The following KIF1B variants were observed in gnomAD, a reference collection of about 807,000 sequenced individuals.
KIF1B encodes kinesin-like protein KIF1B.
A neutral mutation model predicts 241.9 loss-of-function variants in KIF1B; 76 were observed. The observed-to-expected ratio is 0.31, with a 90% CI of 0.26 to 0.38. KIF1B has a LOEUF of 0.38. KIF1B is among the 10% of genes least tolerant of loss of function. KIF1B has a pLI of 1.00. For missense variants in KIF1B, 1,622 were observed against 2,271.4 expected (o/e 0.71, Z 5.81); for synonymous variants, 750 against 796.7 (o/e 0.94, Z 0.99).
chr1:10,269,196 C>G (rs1023164827), intron 7 of KIF1B, among the ~76,000 whole-genome samples: 1 of 152,068 alleles, frequency 6.6e-6, no homozygotes, highest in African/African-American at 2.4e-5. Context: ...TGACTTATTT[C>G]TAGCTGAAAA....
chr1:10,222,816 A>G (rs1456019694), intron 1 of KIF1B, among the ~76,000 whole-genome samples: 1 of 152,230 alleles, frequency 6.6e-6, no homozygotes, highest in Non-Finnish European at 1.5e-5. Flanking sequence ...AGTGGTCAGA[A>G]GAACAGTTTA....
At chr1:10,353,155 G>T (rs555748139) in intron 38 of KIF1B, among the ~76,000 whole-genome samples, 2 of 152,278 alleles carry the variant, frequency 1.3e-5, no homozygotes, top group South Asian at 4.1e-4. Context: ...TCATGGAAAT[G>T]TGCCCTCTGA....
At chr1:10,309,155 T>C (rs1215979011) in intron 22 of KIF1B, among the ~76,000 whole-genome samples, 1 of 152,096 alleles carries the variant, frequency 6.6e-6, no homozygotes, top group African/African-American at 2.4e-5. Flanking sequence ...GACCTGACAT[T>C]ATTTTTTAAT....
In KIF1B at chr1:10,252,277, T is replaced by C. The variant is rs182803550; in HGVS notation, c.107-3970T>C. Among the ~76,000 whole-genome samples, 10 of 151,536 alleles carry C rather than the reference T, an allele frequency of 6.6e-5. No individual in the cohort carries two copies. The East Asian group carries it at 1.6e-3, about 24-fold the overall frequency. On this transcript the variant is annotated intron_variant, in intron 2 of 48. Coordinates refer to ENST00000676179, the MANE Select transcript of KIF1B (RefSeq NM_001365951.3). ...CTGGTCGCAAACTCCTGACCTCAAGTGATCAACCCCCCTCAGCCTCCCAAA... is the reference window on the plus strand; with the variant it reads ...CTGGTCGCAAACTCCTGACCTCAAGCGATCAACCCCCCTCAGCCTCCCAAA...
At chr1:10,227,586 G>A (rs917575100) in intron 1 of KIF1B, 3 of 152,020 alleles carry the variant, frequency 2.0e-5, no homozygotes, top group East Asian at 3.9e-4. Flanking sequence ...TACTTAATAA[G>A]CTGTGTATTT....
At chr1:10,320,529 G>C (rs565263205) in intron 23 of KIF1B, among the ~76,000 whole-genome samples, 12 of 152,080 alleles carry the variant, frequency 7.9e-5, no homozygotes, top group Non-Finnish European at 1.8e-4. Context: ...TAATCATATT[G>C]CTTAGTCATG....
Position 10,326,268 on chromosome 1 carries a change from T to C in KIF1B, c.2833T>C (p.Ser945Pro). 6.2e-7 allele frequency: 1 copy of C among 1,614,170 alleles called. No individual in the cohort carries two copies. The stretch of plus-strand genomic sequence containing the variant: ...TGAGGCATTCGTGGATGACGCCGGC[T>C]CTGACGCAGGGACGGAGGAGGGATC... ...DDEAFVDDAGSDAGTEEGSDL... is the reference protein window; with the variant it reads ...DDEAFVDDAGPDAGTEEGSDL... Residue 945 changes from serine to proline, a missense_variant, in exon 27 of 49, where the codon TCT (serine) becomes CCT (proline). Transcript: ENST00000676179. The surrounding 1 kb of genome is among the most constrained non-coding windows in gnomAD (Gnocchi z 5.2).
chr1:10,278,124 T>C lies in KIF1B; in HGVS notation c.1176T>C (p.Ile392=). The C allele has an allele frequency of 6.2e-7, 1 of 1,613,884 alleles. No homozygotes were observed. The highest frequency in any genetic ancestry group is 2.2e-5 in the East Asian group (1 of 44,868). The change falls in exon 13 of 49, where the codon ATT becomes ATC. Residue 392 remains isoleucine, a synonymous_variant. Coordinates refer to ENST00000676179, the MANE Select transcript of KIF1B (RefSeq NM_001365951.3). ...GTGCTCAGGGCCTGGGAGATATTAT[T>C]GATAGTAAGTGAATTAAGGATCGTT... ...LLRAQGLGDI[I]DIDPLIDDYS...
chr1:10,293,549 C>T (rs1650115852), intron 17 of KIF1B, among the ~76,000 whole-genome samples: 1 of 152,050 alleles, frequency 6.6e-6, no homozygotes, highest in Non-Finnish European at 1.5e-5. Flanking sequence ...CACATGCCAC[C>T]ACGCCCAGCT....
At position 10,232,245 on chromosome 1, in the gene KIF1B, C is replaced by A; in HGVS notation, c.-79-5C>A. 1.8e-6 allele frequency: 2 copies of A among 1,084,210 alleles called. No homozygotes were observed. Among genetic ancestry groups the A allele is most frequent in the South Asian group, 1.4e-5 (1 of 72,122 alleles). 67.2% of individuals were successfully genotyped at this position (1,084,210 alleles called of 1,614,324 possible). The stretch of plus-strand genomic sequence containing the variant: ...ACCTCATATGGAATTTTTTTCTTTT[C>A]AAAGGAAACTTGGCTGTAACTTCAA... On this transcript the variant is annotated splice_polypyrimidine_tract_variant and splice_region_variant and intron_variant, in intron 1 of 48. Transcript: ENST00000676179.
At position 10,303,467 on chromosome 1, in the gene KIF1B, C is replaced by T. The variant is rs1045031900; in HGVS notation, c.2115+6221C>T. ...AGGCACAGTCGGCAGGAGATTGAAG[C>T]CCTGGCCATTGTCAAGATGAAGGAG... On this transcript the variant is annotated intron_variant, in intron 22 of 48. Transcript: ENST00000676179. This position sits in a 1 kb window ranked among gnomAD's most constrained non-coding sequence, Gnocchi z 5.2. 2.8e-5 allele frequency: 46 copies of T among 1,614,040 alleles called. No individual in the cohort carries two copies. Among genetic ancestry groups the T allele is most frequent in the Non-Finnish European group, 3.6e-5 (42 of 1,180,040 alleles).
At chr1:10,348,593 A>G in intron 36 of KIF1B, 56 bp from the exon 37 acceptor site, 1 of 1,332,150 alleles carries the variant, frequency 7.5e-7, no homozygotes, top group Non-Finnish European at 1.1e-6. Flanking sequence ...AAAACAGTAG[A>G]CGAGAGGAGA....
In KIF1B at chr1:10,299,910, C is replaced by G. The variant is rs563501274; in HGVS notation, c.2115+2664C>G. On this transcript the variant is annotated intron_variant, in intron 22 of 48. Transcript: ENST00000676179. ...ATGTGAATTGACCAGACCTCAGTAG[C>G]TTTTCCAACTCCTTAATAAATGAAT... Among the ~76,000 whole-genome samples, 6 of 152,216 alleles carry G rather than the reference C, an allele frequency of 3.9e-5. No homozygotes were observed. The East Asian group carries it at 7.7e-4, about 20-fold the overall frequency.
chr1:10,278,342 T>C (rs1028178554), intron 13 of KIF1B, among the ~76,000 whole-genome samples: 3 of 152,226 alleles, frequency 2.0e-5, no homozygotes, highest in African/African-American at 7.2e-5. Context: ...AGACTATCCA[T>C]TTGAACTCAG....
chr1:10,278,975 C>T (rs773369375), intron 13 of KIF1B, 122 bp from the exon 14 acceptor site: 26 of 564,916 alleles, frequency 4.6e-5, no homozygotes, highest in African/African-American at 2.6e-4. Flanking sequence ...AAAATGATAC[C>T]GTATTCTAAG....
chr1:10,244,689 T>C (rs557520762), intron 2 of KIF1B, among the ~76,000 whole-genome samples: 27 of 147,958 alleles, frequency 1.8e-4, no homozygotes, highest in African/African-American at 6.5e-4. Context: ...CTCTGCTCAC[T>C]GCAAGCTCCG....
intron 22 of KIF1B, among the ~76,000 whole-genome samples, chr1:10,308,989 A>C (rs1051423636): frequency 7.9e-5 from 12 of 152,196 alleles, no homozygotes; most frequent in African/African-American, 2.9e-4. Context: ...ATGGGCAGAA[A>C]CTAAATTTCT....
intron 2 of KIF1B, among the ~76,000 whole-genome samples, chr1:10,239,732 A>T (rs116378165): frequency 0.019 from 2,829 of 147,478 alleles, 40 homozygotes; most frequent in Non-Finnish European, 0.028. Flanking sequence ...CTCAGACTCC[A>T]GAGTAGTGAA....
At chr1:10,212,882 G>A (rs1646711071) in intron 1 of KIF1B, among the ~76,000 whole-genome samples, 1 of 88,290 alleles carries the variant, frequency 1.1e-5, no homozygotes, top group Non-Finnish European at 2.3e-5. Flanking sequence ...GTGTGTGCAT[G>A]CGTGTGTGTA....
Sources: gnomAD v4.1 joint callset for allele counts (sites outside exome capture counted in the v4.1 genomes callset) on GRCh38, gnomAD v4.1.1 for gene constraint, Gnocchi (gnomAD v3.1) non-coding constraint, MANE v1.5 for transcripts, NCBI Gene and HGNC (gene_info 2026-07-23, HGNC 2026-07-21) for gene names.